The following FIGN variants were observed in gnomAD, a reference collection of about 807,000 sequenced individuals.
The protein encoded by FIGN is fidgetin, microtubule severing factor.
FIGN carries 11 observed loss-of-function variants against 51.3 expected under a neutral mutation model. The ratio of observed to expected loss-of-function variants is 0.21; its 90% CI spans 0.13 to 0.35. The LOEUF (loss-of-function observed/expected upper bound fraction) is 0.35. Ranked by LOEUF, FIGN falls within the 10% of genes least tolerant of loss-of-function variation. The pLI is 1.00. For missense variants in FIGN, 857 were observed against 943.6 expected (o/e 0.91, Z 1.20); for synonymous variants, 407 against 363.2 (o/e 1.12, Z -1.37).
intron 2 of FIGN, among the ~76,000 whole-genome samples, chr2:163,636,618 TG>T (rs1286229347): frequency 6.6e-6 from 1 of 152,130 alleles, no homozygotes; most frequent in African/African-American, 2.4e-5. Flanking sequence ...ATGGTATGGA[TG>T]AGCAACTGCA....
chr2:163,691,771 A>T lies in FIGN; in HGVS notation c.25+43132T>A, dbSNP rs546595299. ...AAATTAACCCTTCTGAGCATTAAAA[A>T]CAAACAGAAAGCAGAGTGGAAGTTG... On this transcript the variant is annotated intron_variant, in intron 2 of 2. Coordinates refer to ENST00000333129, the MANE Select transcript of FIGN (RefSeq NM_018086.4). 3.3e-5 allele frequency among the ~76,000 whole-genome samples: 5 copies of T among 152,190 alleles called. No homozygotes were observed. The East Asian group carries it at 9.6e-4, about 29-fold the overall frequency.
chr2:163,612,710 G>GTGTA (rs1682781903), intron 2 of FIGN: 2 of 448,954 alleles, frequency 4.5e-6, no homozygotes, highest in South Asian at 1.9e-4. Flanking sequence ...GTGTGTGTGT[G>GTGTA]TGTGTGTGTA....
chr2:163,641,290 G>C (rs1266754171), intron 2 of FIGN, among the ~76,000 whole-genome samples: 8 of 152,212 alleles, frequency 5.3e-5, no homozygotes, highest in Admixed American at 5.2e-4. Context: ...AGAGTGTCCA[G>C]AGTAACTTAA....
In FIGN at chr2:163,721,388, T is replaced by C. The variant is rs571766938; in HGVS notation, c.25+13515A>G. Among the ~76,000 whole-genome samples the C allele has an allele frequency of 4.6e-5, 7 of 152,240 alleles. No individual in the cohort carries two copies. The East Asian group carries it at 1.2e-3, about 25-fold the overall frequency. On this transcript the variant is annotated intron_variant, in intron 2 of 2. Transcript: ENST00000333129. Reference sequence around the variant, plus strand: ...ACAATTTTAACTCACTTGAAGCACATTGAATGGTTTCTAGAAAACCAGAAG... The same window carrying C: ...ACAATTTTAACTCACTTGAAGCACACTGAATGGTTTCTAGAAAACCAGAAG...
chr2:163,658,311 T>A (rs2105325484), intron 2 of FIGN, among the ~76,000 whole-genome samples: 1 of 151,034 alleles, frequency 6.6e-6, no homozygotes, highest in Admixed American at 6.6e-5. Flanking sequence ...CCGGGGCACA[T>A]GGGCAAATCT....
intron 2 of FIGN, among the ~76,000 whole-genome samples, chr2:163,660,877 A>ATT (rs1559012631): frequency 4.0e-5 from 1 of 25,172 alleles, no homozygotes; most frequent in African/African-American, 1.8e-4. Context: ...ATATATATAT[A>ATT]TATTTTTTTT....
intron 2 of FIGN, among the ~76,000 whole-genome samples, chr2:163,648,576 G>GT (rs992301335): frequency 2.0e-5 from 3 of 152,134 alleles, no homozygotes; most frequent in Non-Finnish European, 4.4e-5. Flanking sequence ...GCATGAGTGC[G>GT]TTTTTCTAGA....
chr2:163,660,837 ATATACATATATATATG>A (rs1392685466), intron 2 of FIGN, among the ~76,000 whole-genome samples: 2 of 32,286 alleles, frequency 6.2e-5, no homozygotes, highest in Non-Finnish European at 1.5e-4. Flanking sequence ...ATGTATACAT[ATATACATATATATATG>A]TATACATATA....
chr2:163,617,825 C>T (rs1174454107), intron 2 of FIGN, among the ~76,000 whole-genome samples: 3 of 152,112 alleles, frequency 2.0e-5, no homozygotes, highest in East Asian at 1.9e-4. Context: ...TACTGTATTG[C>T]TATTAAGATT....
At chr2:163,735,440 A>G (rs905777306) in intron 1 of FIGN, among the ~76,000 whole-genome samples, 1 of 152,130 alleles carries the variant, frequency 6.6e-6, no homozygotes, top group Non-Finnish European at 1.5e-5. Flanking sequence ...TCTTATTTAC[A>G]CTTCTTATTT....
intron 2 of FIGN, among the ~76,000 whole-genome samples, chr2:163,675,706 C>CTTTTTTTTTTTT (rs900840520): frequency 8.9e-4 from 89 of 100,474 alleles, no homozygotes; most frequent in East Asian, 1.7e-3. Context: ...TTCTTTCTTT[C>CTTTTTTTTTTTT]TTTTTTTTTT....
intron 2 of FIGN, among the ~76,000 whole-genome samples, chr2:163,643,957 A>AAAAAAAAAAAT (rs2105317960): frequency 6.7e-6 from 1 of 149,294 alleles, no homozygotes; most frequent in Admixed American, 6.7e-5. Flanking sequence ...AAAAAAAAAA[A>AAAAAAAAAAAT]AGTCAGAATG....
chr2:163,623,869 T>C (rs72867761), intron 2 of FIGN, among the ~76,000 whole-genome samples: 5,348 of 152,204 alleles, frequency 0.035, 133 homozygotes, highest in South Asian at 0.073. Flanking sequence ...TAGCTCAATT[T>C]CAAATAATAT....
In FIGN at chr2:163,611,359, A is replaced by G; in HGVS notation, c.473T>C (p.Leu158Pro). The G allele has an allele frequency of 6.2e-7, 1 of 1,614,158 alleles. No individual in the cohort carries two copies. Among genetic ancestry groups the G allele is most frequent in the Non-Finnish European group, 8.5e-7 (1 of 1,180,026 alleles). Residue 158 changes from leucine to proline, a missense_variant, in exon 3 of 3, where the codon CTG (leucine) becomes CCG (proline). Leu to Pro is a moderately conservative substitution (Grantham distance 98). Transcript: ENST00000333129. ...ACTACTTGAATAACTAGGTTCTGTC[A>G]GGTTGCTGGCTACCCCAGGAGAGCT... ...IGSSPGVASN[L>P]TEPSYSSSTC...
intron 2 of FIGN, among the ~76,000 whole-genome samples, chr2:163,713,223 T>C (rs1202191816): frequency 2.0e-5 from 3 of 152,192 alleles, no homozygotes; most frequent in African/African-American, 7.2e-5. Context: ...GATCTGAATT[T>C]TATTTTAAGG....
intron 2 of FIGN, among the ~76,000 whole-genome samples, chr2:163,686,469 T>A (rs931304724): frequency 1.3e-5 from 2 of 152,128 alleles, no homozygotes; most frequent in African/African-American, 2.4e-5. Context: ...TGATGAGCAG[T>A]GCAACAACAT....
chr2:163,676,477 ATATAT>A lies in FIGN; in HGVS notation c.25+58421_25+58425del, dbSNP rs1419434435. 4.5e-4 allele frequency among the ~76,000 whole-genome samples: 46 copies of A among 102,254 alleles called. 1 individual carries two copies. The highest frequency in any genetic ancestry group is 1.2e-3 in the African/African-American group (34 of 28,376). The allele number at this position is 102,254 out of a possible 152,430, so 67.1% of individuals were successfully genotyped here. ...TATATATATATATATATATATATAT[ATATAT>A]AACTAGAGTCTGTGCACCCGAATCT... is the stretch of plus-strand genomic sequence containing the variant. On this transcript the variant is annotated intron_variant, in intron 2 of 2. Coordinates refer to ENST00000333129, the MANE Select transcript of FIGN (RefSeq NM_018086.4).
At chr2:163,683,723 C>G (rs114218123) in intron 2 of FIGN, among the ~76,000 whole-genome samples, 90 of 152,240 alleles carry the variant, frequency 5.9e-4, no homozygotes, top group African/African-American at 2.1e-3. Context: ...AGGGGTGCAG[C>G]CTGGGCAGTG....
intron 2 of FIGN, among the ~76,000 whole-genome samples, chr2:163,649,942 AT>A (rs1559008665): frequency 6.6e-6 from 1 of 152,310 alleles, no homozygotes; most frequent in East Asian, 1.9e-4. Context: ...TCTGAGTACC[AT>A]TATTGCCCAG....
Sources: gnomAD v4.1 joint callset for allele counts (sites outside exome capture counted in the v4.1 genomes callset) on GRCh38, gnomAD v4.1.1 for gene constraint, MANE v1.5 for transcripts, NCBI Gene and HGNC (gene_info 2026-07-23, HGNC 2026-07-21) for gene names.